The following C2CD3 variants were observed in gnomAD, a reference collection of about 807,000 sequenced individuals.
The protein encoded by C2CD3 is C2 domain-containing protein 3.
Under a neutral mutation model 234.0 loss-of-function variants are expected in C2CD3, and 148 were observed. The observed-to-expected ratio is 0.63, with a 90% CI of 0.55 to 0.72. The LOEUF (loss-of-function observed/expected upper bound fraction) is 0.72. Ranked by LOEUF, C2CD3 falls within the 30% of genes least tolerant of loss-of-function variation. C2CD3 has a pLI of 0.00. For synonymous variants in C2CD3, 1,000 were observed against 1,035.4 expected, an observed-to-expected ratio of 0.97 and a Z score of 0.66; for missense variants, 2,577 against 2,811.5, an observed-to-expected ratio of 0.92 and a Z score of 1.89.
At chr11:74,036,790 A>C (rs1289246606) in intron 30 of C2CD3, among the ~76,000 whole-genome samples, 2 of 152,210 alleles carry the variant, frequency 1.3e-5, no homozygotes, top group Non-Finnish European at 2.9e-5. Context: ...AGGTTTGCCA[A>C]TATTTGCTCT....
chr11:74,159,232 G>A (rs192908959), intron 3 of C2CD3, among the ~76,000 whole-genome samples: 20 of 152,314 alleles, frequency 1.3e-4, no homozygotes, highest in Admixed American at 6.5e-4. Flanking sequence ...ACTTGATAAT[G>A]ATAATAAACA....
intron 12 of C2CD3, among the ~76,000 whole-genome samples, chr11:74,107,551 T>A (rs1018160222): frequency 6.6e-6 from 1 of 152,170 alleles, no homozygotes; most frequent in Admixed American, 6.5e-5. Flanking sequence ...TTATAATGTT[T>A]GATAAAAGGG....
intron 31 of C2CD3, 69 bp downstream of exon 31, chr11:74,033,282 G>T: frequency 7.3e-7 from 1 of 1,361,130 alleles, no homozygotes; most frequent in Non-Finnish European, 9.9e-7. Flanking sequence ...GTGGCCACTT[G>T]CTCACACTCA....
chr11:74,057,385 C>T (rs764763184), intron 25 of C2CD3, 21 bp downstream of exon 25: 27 of 1,613,410 alleles, frequency 1.7e-5, no homozygotes, highest in African/African-American at 9.3e-5. Context: ...GGAAGGCTGA[C>T]GAATAACGGA....
chr11:74,046,850 T>C (rs900410618), intron 28 of C2CD3, among the ~76,000 whole-genome samples: 2 of 152,218 alleles, frequency 1.3e-5, no homozygotes, highest in African/African-American at 4.8e-5. Context: ...ACCAGAAAGT[T>C]TGGAAACTGC....
chr11:74,048,104 C>G (rs563536200), intron 28 of C2CD3, 101 bp downstream of exon 28: 64 of 1,281,218 alleles, frequency 5.0e-5, no homozygotes, highest in Non-Finnish European at 6.7e-5. Flanking sequence ...CTTACCCTGT[C>G]TTGTTTTTTC....
chr11:74,084,673 C>A (rs554435078), intron 22 of C2CD3, among the ~76,000 whole-genome samples: 1 of 151,586 alleles, frequency 6.6e-6, no homozygotes, highest in South Asian at 2.1e-4. Context: ...GAAGTATTCC[C>A]GATTGCAAAT....
intron 28 of C2CD3, among the ~76,000 whole-genome samples, chr11:74,042,598 C>CA (rs1265830261): frequency 2.6e-5 from 4 of 151,896 alleles, no homozygotes; most frequent in Non-Finnish European, 5.9e-5. Context: ...ACTAAAAGCA[C>CA]AAAAATTAGC....
At chr11:74,022,205 G>A (rs1043807928) in intron 32 of C2CD3, among the ~76,000 whole-genome samples, 1 of 152,166 alleles carries the variant, frequency 6.6e-6, no homozygotes, top group Non-Finnish European at 1.5e-5. Flanking sequence ...AAGATGCTTA[G>A]GTGGCAGAAT....
intron 5 of C2CD3, among the ~76,000 whole-genome samples, chr11:74,134,183 G>C (rs910416815): frequency 6.6e-6 from 1 of 152,172 alleles, no homozygotes; most frequent in African/African-American, 2.4e-5. Context: ...TATGTACTAT[G>C]ACTACTTTTG....
intron 24 of C2CD3, among the ~76,000 whole-genome samples, chr11:74,066,795 A>T (rs1251712959): frequency 1.3e-5 from 2 of 152,238 alleles, no homozygotes; most frequent in East Asian, 3.8e-4. Flanking sequence ...AAGAATTTAC[A>T]GCACCATGTC....
At chr11:74,044,450 T>C (rs1407534995) in intron 28 of C2CD3, among the ~76,000 whole-genome samples, 1 of 142,190 alleles carries the variant, frequency 7.0e-6, no homozygotes, top group African/African-American at 2.7e-5. Context: ...CAAGACTGTC[T>C]CAAAAAAAAA....
At chr11:74,036,981 T>C (rs1952779259) in intron 30 of C2CD3, among the ~76,000 whole-genome samples, 1 of 151,636 alleles carries the variant, frequency 6.6e-6, no homozygotes, top group Admixed American at 6.6e-5. Context: ...TCCAAAGGGG[T>C]TTTTCAAAGG....
At chr11:74,043,453 A>C (rs1456682032) in intron 28 of C2CD3, among the ~76,000 whole-genome samples, 1 of 152,210 alleles carries the variant, frequency 6.6e-6, no homozygotes, top group African/African-American at 2.4e-5. Context: ...ATACGTGTAC[A>C]AGTTTTTGTG....
At chr11:74,106,685 A>G (rs545439389) in intron 12 of C2CD3, among the ~76,000 whole-genome samples, 192 bp from the exon 13 acceptor site, 5 of 152,276 alleles carry the variant, frequency 3.3e-5, no homozygotes, top group Non-Finnish European at 7.4e-5. Flanking sequence ...ACTTCCCTCT[A>G]TAAGATTACA....
intron 32 of C2CD3, among the ~76,000 whole-genome samples, chr11:74,015,107 G>A (rs1346853398): frequency 1.3e-5 from 2 of 152,194 alleles, no homozygotes; most frequent in Middle Eastern, 3.2e-3. Flanking sequence ...ACCAGGGGAG[G>A]CCAGTGGCCA....
chr11:74,099,427 G>A (rs908816494), intron 15 of C2CD3, among the ~76,000 whole-genome samples: 1 of 152,132 alleles, frequency 6.6e-6, no homozygotes, highest in African/African-American at 2.4e-5. Context: ...TGTAATATAG[G>A]GATAATAACA....
intron 32 of C2CD3, among the ~76,000 whole-genome samples, chr11:74,021,931 G>T (rs1952103866): frequency 6.6e-6 from 1 of 152,184 alleles, no homozygotes; most frequent in Non-Finnish European, 1.5e-5. Flanking sequence ...TTCGAGACCA[G>T]CCTGGCCAAC....
At chr11:74,045,137 G>C (rs1459208063) in intron 28 of C2CD3, among the ~76,000 whole-genome samples, 1 of 152,118 alleles carries the variant, frequency 6.6e-6, no homozygotes, top group Non-Finnish European at 1.5e-5. Context: ...TCACTTGCAT[G>C]TGGATACCTA....
Sources: gnomAD v4.1 joint callset for allele counts (sites outside exome capture counted in the v4.1 genomes callset) on GRCh38, gnomAD v4.1.1 for gene constraint, MANE v1.5 for transcripts, NCBI Gene and HGNC (gene_info 2026-07-23, HGNC 2026-07-21) for gene names.